SLC24A2: variants seen among roughly 807,000 people sequenced by gnomAD.
SLC24A2 encodes the protein solute carrier family 24 member 2, also known as sodium/potassium/calcium exchanger 2.
Under a neutral mutation model 62.0 loss-of-function variants are expected in SLC24A2, and 36 were observed. That is an observed-to-expected ratio of 0.58 (90% confidence interval 0.44 to 0.77). The LOEUF (loss-of-function observed/expected upper bound fraction) is 0.77, where lower values mean the gene tolerates loss of function less well. Ranked by LOEUF, SLC24A2 falls within the 30% of genes least tolerant of loss-of-function variation. SLC24A2 has a pLI of 0.00. For missense variants in SLC24A2, 846 were observed against 817.9 expected (o/e 1.03, Z -0.42); for synonymous variants, 358 against 294.0 (o/e 1.22, Z -2.23).
the SLC24A2 span, among the ~76,000 whole-genome samples, chr9:19,914,188 G>C: frequency 3.3e-5 from 5 of 151,986 alleles, no homozygotes; most frequent in African/African-American, 1.2e-4. Flanking sequence ...TCCAGGGTTA[G>C]ATTCTTGACA....
At chr9:19,627,243 C>T (rs932227331) in intron 2 of SLC24A2, among the ~76,000 whole-genome samples, 2 of 152,044 alleles carry the variant, frequency 1.3e-5, no homozygotes, top group Non-Finnish European at 2.9e-5. Context: ...GTAAGAAGTG[C>T]GGTAATGAAA....
intron 5 of SLC24A2, 38 bp downstream of exon 5, chr9:19,597,191 A>G (rs1294361211): frequency 7.1e-7 from 1 of 1,399,970 alleles, no homozygotes; most frequent in South Asian, 1.2e-5. Flanking sequence ...CCATAAATGT[A>G]AAAAAGCCAA....
At chr9:20,019,155 A>AAG in the SLC24A2 span, among the ~76,000 whole-genome samples, 288 of 117,178 alleles carry the variant, frequency 2.5e-3, 11 homozygotes, top group Non-Finnish European at 3.1e-3. Context: ...GAAAGAAAGA[A>AAG]AGAGAGAGAG....
the SLC24A2 span, among the ~76,000 whole-genome samples, chr9:19,906,127 C>T: frequency 1.3e-5 from 2 of 152,198 alleles, no homozygotes; most frequent in East Asian, 1.9e-4. Context: ...AACAAACTGC[C>T]TCTCAGACCA....
the SLC24A2 span, among the ~76,000 whole-genome samples, chr9:19,899,630 T>C: frequency 1.3e-5 from 2 of 152,216 alleles, no homozygotes; most frequent in African/African-American, 4.8e-5. Context: ...TATTAGTTCA[T>C]TCTCATGCTG....
the SLC24A2 span, among the ~76,000 whole-genome samples, chr9:20,051,086 G>C: frequency 6.6e-6 from 1 of 151,946 alleles, no homozygotes; most frequent in African/African-American, 2.4e-5. Context: ...AAAAGACAAA[G>C]ATTGTCAGAC....
the SLC24A2 span, among the ~76,000 whole-genome samples, chr9:20,056,808 G>C: frequency 1.3e-5 from 2 of 152,178 alleles, no homozygotes; most frequent in East Asian, 3.9e-4. Flanking sequence ...AATGTAACAT[G>C]AGGGAAAGTG....
At chr9:19,983,225 A>G in the SLC24A2 span, among the ~76,000 whole-genome samples, 1 of 152,198 alleles carries the variant, frequency 6.6e-6, no homozygotes, top group Admixed American at 6.5e-5. Context: ...AACTATCTCT[A>G]TTCACAGATG....
the SLC24A2 span, among the ~76,000 whole-genome samples, chr9:19,800,568 A>G: frequency 9.2e-5 from 14 of 152,104 alleles, no homozygotes; most frequent in Non-Finnish European, 1.5e-4. Flanking sequence ...TCACTGTATG[A>G]TTTTGTCTTA....
rs571163051 is a variant in SLC24A2 at position 19,561,591 on chromosome 9, C to T, written c.1348-11323G>A. Among the ~76,000 whole-genome samples the T allele has an allele frequency of 3.9e-5, 6 of 151,990 alleles. No individual in the cohort carries two copies. The East Asian group carries it at 5.9e-4, about 15-fold the overall frequency. The stretch of plus-strand genomic sequence containing the variant: ...CTGGGACTACAGGTGCGTGCCACCA[C>T]ACCTGGCTAATTTTTTGTATTTTTA... On this transcript the variant is annotated intron_variant, in intron 7 of 10. Coordinates refer to ENST00000341998, the MANE Select transcript of SLC24A2 (RefSeq NM_020344.4).
intron 2 of SLC24A2, among the ~76,000 whole-genome samples, chr9:19,750,834 C>T (rs1044593909): frequency 6.6e-6 from 1 of 152,158 alleles, no homozygotes; most frequent in African/African-American, 2.4e-5. Flanking sequence ...CCATCTGATG[C>T]TCTTCCACAT....
chr9:19,897,892 C>T, the SLC24A2 span, among the ~76,000 whole-genome samples: 3 of 152,316 alleles, frequency 2.0e-5, no homozygotes, highest in African/African-American at 7.2e-5. Flanking sequence ...CAGAATTACG[C>T]ACTACAGTTT....
At chr9:20,025,858 T>A in the SLC24A2 span, among the ~76,000 whole-genome samples, 8 of 151,566 alleles carry the variant, frequency 5.3e-5, no homozygotes, top group Admixed American at 2.6e-4. Flanking sequence ...AACAGAGGAG[T>A]AGGGAGAGAG....
rs1240698479 is a variant in SLC24A2, at chr9:19,786,750, G to C, written c.117C>G (p.Val39=). Residue 39 remains valine (V), a synonymous_variant, in exon 2 of 11, where the codon GTC becomes GTG. Coordinates refer to ENST00000341998, the MANE Select transcript of SLC24A2 (RefSeq NM_020344.4). The surrounding 1 kb of genome is among the most constrained non-coding windows in gnomAD (Gnocchi z 5.0). Reference sequence around the variant, plus strand: ...CTACCAGACCCATGAAAAGGCCTAAGACTCGAATTAACTTCAGTTTTTTCT... The same window carrying C: ...CTACCAGACCCATGAAAAGGCCTAACACTCGAATTAACTTCAGTTTTTTCT... ...SVKKKLKLIR[V]LGLFMGLVAI... The C allele has an allele frequency of 6.2e-7, 1 of 1,602,724 alleles. No homozygotes were observed. The highest frequency in any genetic ancestry group is 1.3e-5 in the African/African-American group (1 of 74,392).
At chr9:19,653,800 C>T (rs1478877522) in intron 2 of SLC24A2, among the ~76,000 whole-genome samples, 1 of 152,148 alleles carries the variant, frequency 6.6e-6, no homozygotes, top group African/African-American at 2.4e-5. Flanking sequence ...GCTTGAAATG[C>T]TGAAATCTCC....
At chr9:19,971,330 G>C in the SLC24A2 span, among the ~76,000 whole-genome samples, 2 of 152,124 alleles carry the variant, frequency 1.3e-5, no homozygotes, top group Non-Finnish European at 2.9e-5. Flanking sequence ...GTGGTGGTCT[G>C]TTATACAGCA....
At position 19,521,016 on chromosome 9, in the gene SLC24A2, G is replaced by A; in HGVS notation, c.1614C>T (p.Thr538=). ...IGISEEIMGL[T]ILAAGTSIPD... ...GGATGGAGGTCCCAGCAGCCAAGAT[G>A]GTCAGGCCCATAATCTCTTCACTGA... Residue 538 remains threonine (T), a synonymous_variant, in exon 10 of 11, where the codon ACC becomes ACT. Transcript: ENST00000341998. 6.2e-7 allele frequency: 1 copy of A among 1,614,040 alleles called. No homozygotes were observed.
intron 5 of SLC24A2, among the ~76,000 whole-genome samples, chr9:19,581,362 T>G (rs907173090): frequency 1.5e-4 from 23 of 152,130 alleles, no homozygotes; most frequent in African/African-American, 5.6e-4. Context: ...CACCTGCAGG[T>G]CCAAAATTCA....
the SLC24A2 span, among the ~76,000 whole-genome samples, chr9:19,987,898 T>C: frequency 2.0e-4 from 30 of 152,324 alleles, no homozygotes; most frequent in African/African-American, 5.3e-4. Context: ...TCTAAATTGT[T>C]ACCACTCCTC....
Sources: allele counts gnomAD v4.1 joint callset (sites outside exome capture counted in the v4.1 genomes callset), GRCh38; gene constraint gnomAD v4.1.1; non-coding constraint Gnocchi (gnomAD v3.1); transcripts MANE v1.5; gene names NCBI Gene and HGNC (gene_info 2026-07-23, HGNC 2026-07-21).